Variants in UBAP2 observed in about 807,000 individuals in gnomAD.
The protein encoded by UBAP2 is ubiquitin associated protein 2, also known as ubiquitin-associated protein 2.
UBAP2 carries 75 observed loss-of-function variants against 139.6 expected under a neutral mutation model. The observed-to-expected ratio is 0.54, with a 90% confidence interval of 0.45 to 0.65. The LOEUF is 0.65. UBAP2 is among the 30% of genes least tolerant of loss of function. UBAP2 has a pLI of 0.00. For synonymous variants in UBAP2, 526 were observed against 526.2 expected (o/e 1.00, Z 0.01); for missense variants, 1,368 against 1,369.6 (o/e 1.00, Z 0.02).
rs777110723 is a variant in UBAP2 at position 33,926,627 on chromosome 9, C to T, written c.2501G>A (p.Arg834Gln). 24 of 1,614,046 alleles carry T rather than the reference C, an allele frequency of 1.5e-5. No homozygotes were observed. The highest frequency in any genetic ancestry group is 3.3e-4 in the Middle Eastern group (2 of 6,084). The stretch of plus-strand genomic sequence containing the variant: ...CCATACCCCACTCACCACTGGCAGC[C>T]GTGACTGCAGCATCTGGAGCTCGTC... ...GYDELQMLQS[R>Q]LPVDYYGIPF... The change falls in exon 22 of 29, where the codon CGG (arginine) becomes CAG (glutamine). Residue 834 changes from arginine (R) to glutamine (Q), a missense_variant. Arg to Gln is a conservative substitution (Grantham distance 43). Coordinates refer to ENST00000379238, the MANE Select transcript of UBAP2 (RefSeq NM_001370062.2).
At chr9:33,951,122 CCAGCCTCTCAAG>C (rs1190541058) in intron 12 of UBAP2, among the ~76,000 whole-genome samples, 4 of 151,972 alleles carry the variant, frequency 2.6e-5, no homozygotes, top group Non-Finnish European at 4.4e-5. Context: ...TCCTCCCATG[CCAGCCTCTCAAG>C]TAGCTGGGAT....
At position 33,995,567 on chromosome 9, in the gene UBAP2, A is replaced by G. The variant is rs1344133653; in HGVS notation, c.288+656T>C. On this transcript the variant is annotated intron_variant, in intron 4 of 28. Transcript: ENST00000379238. ...AATATATTATTAAATAATTTAATTT[A>G]ATTTAAAATTAAATTATTTAAAATT... 7.1e-5 allele frequency: 10 copies of G among 140,086 alleles called. No individual in the cohort carries two copies. The East Asian group carries it at 1.8e-3, about 25-fold the overall frequency. The allele number at this position is 140,086 out of a possible 1,614,324, so 8.7% of individuals were successfully genotyped here.
At chr9:34,012,883 G>A (rs1823883637) in intron 2 of UBAP2, among the ~76,000 whole-genome samples, 1 of 151,404 alleles carries the variant, frequency 6.6e-6, no homozygotes. Flanking sequence ...AGGCCCAGGG[G>A]CTCACACCTA....
intron 10 of UBAP2, among the ~76,000 whole-genome samples, chr9:33,959,152 CA>C (rs11374381): frequency 4.3e-4 from 60 of 138,636 alleles, no homozygotes; most frequent in Non-Finnish European, 4.4e-4. Flanking sequence ...GGCCCTGTCT[CA>C]AAAAAAAAAA....
chr9:33,937,897 A>G (rs1824728968), intron 16 of UBAP2, among the ~76,000 whole-genome samples: 2 of 152,160 alleles, frequency 1.3e-5, no homozygotes. Context: ...AGCCTGGGCA[A>G]CAACAGCAAA....
At chr9:34,040,803 C>G (rs1827002835) in intron 1 of UBAP2, among the ~76,000 whole-genome samples, 1 of 152,188 alleles carries the variant, frequency 6.6e-6, no homozygotes, top group Non-Finnish European at 1.5e-5. Context: ...TTTTTCCAGA[C>G]ACCTAGAATG....
chr9:33,999,900 ATG>A (rs1564055695), intron 2 of UBAP2, among the ~76,000 whole-genome samples: 79 of 63,326 alleles, frequency 1.2e-3, no homozygotes, highest in African/African-American at 3.1e-3. Flanking sequence ...GTATGTATGT[ATG>A]TATGTTATTT....
chr9:33,963,878 T>C (rs1359009142), intron 8 of UBAP2, 87 bp from the exon 9 acceptor site: 2 of 955,088 alleles, frequency 2.1e-6, no homozygotes, highest in South Asian at 2.7e-5. Flanking sequence ...GTCAAAGCTA[T>C]GTATATGCTG....
chr9:34,027,068 G>A (rs946739643), intron 1 of UBAP2, among the ~76,000 whole-genome samples: 7 of 152,074 alleles, frequency 4.6e-5, no homozygotes, highest in African/African-American at 2.4e-5. Flanking sequence ...TATTATTTTT[G>A]TTTAATTTCT....
rs1429701449 is a variant in UBAP2, at chr9:33,948,506, A to T, written c.1138T>A (p.Leu380Met). ...NITSSQILDQ[L>M]KAPSLGQFTT... ...AACTGGCCCAAACTCGGAGCTTTCA[A>T]CTGGTCCAAAATCTGGGAGCTGGTG... The change falls in exon 13 of 29, where the codon TTG becomes ATG. Residue 380 changes from leucine to methionine, a missense_variant. Leu to Met is a conservative substitution (Grantham distance 15, BLOSUM62 2). Transcript: ENST00000379238. 1 of 1,614,174 alleles carries T rather than the reference A, an allele frequency of 6.2e-7. No homozygotes were observed. The highest frequency in any genetic ancestry group is 8.5e-7 in the Non-Finnish European group (1 of 1,180,024).
rs137921582 is a variant in UBAP2 at position 33,985,173 on chromosome 9, G to A, written c.520+1587C>T. On this transcript the variant is annotated intron_variant, in intron 6 of 28. Transcript: ENST00000379238. Reference sequence around the variant, plus strand: ...ATGTTTGCCAGGTTGTGGTGGCTGTGGCAATTTCTATTTTTTTTTAATTTT... The same window carrying A: ...ATGTTTGCCAGGTTGTGGTGGCTGTAGCAATTTCTATTTTTTTTTAATTTT... Among the ~76,000 whole-genome samples, 595 of 152,080 alleles carry A rather than the reference G, an allele frequency of 3.9e-3. 1 individual carries two copies. The highest frequency in any genetic ancestry group is 0.014 in the African/African-American group (576 of 41,480).
Position 33,922,826 on chromosome 9 carries a change from G to A in UBAP2, c.3125C>T (p.Pro1042Leu). Residue 1042 changes from proline (P) to leucine (L), a missense_variant, in exon 28 of 29, where the codon CCC (proline) becomes CTC (leucine). Transcript: ENST00000379238. ...GGGCCCAGTGGAGCCCAAGACCGAGGGCAGGCTGAAAGGTGGAGGCGTCCC... is the reference window on the plus strand; with the variant it reads ...GGGCCCAGTGGAGCCCAAGACCGAGAGCAGGCTGAAAGGTGGAGGCGTCCC... Reference protein sequence around the residue: ...HAGTPPPFSLPSVLGSTGPLA... With the variant: ...HAGTPPPFSLLSVLGSTGPLA... The A allele has an allele frequency of 6.3e-7, 1 of 1,575,448 alleles. No individual in the cohort carries two copies. The highest frequency in any genetic ancestry group is 1.3e-5 in the African/African-American group (1 of 74,098).
chr9:33,981,006 T>A (rs1367170540), intron 6 of UBAP2, among the ~76,000 whole-genome samples: 2 of 141,436 alleles, frequency 1.4e-5, no homozygotes, highest in Non-Finnish European at 1.5e-5. Flanking sequence ...AATTTTATAT[T>A]GCTTTGGAAC....
chr9:33,977,098 G>A (rs1820198507), intron 6 of UBAP2, among the ~76,000 whole-genome samples: 1 of 145,832 alleles, frequency 6.9e-6, no homozygotes, highest in Non-Finnish European at 1.5e-5. Flanking sequence ...GAGTGCAGTG[G>A]CGCCACCTCG....
At chr9:33,991,870 A>G (rs1480635961) in intron 4 of UBAP2, among the ~76,000 whole-genome samples, 1 of 152,202 alleles carries the variant, frequency 6.6e-6, no homozygotes, top group East Asian at 1.9e-4. Flanking sequence ...ACATCTTTAC[A>G]CAGCCTCGCC....
chr9:33,939,997 G>A (rs915420552), intron 16 of UBAP2, among the ~76,000 whole-genome samples: 5 of 140,244 alleles, frequency 3.6e-5, no homozygotes, highest in African/African-American at 1.1e-4. Context: ...GGAGGGTGAG[G>A]AGGAGGGGAA....
intron 1 of UBAP2, among the ~76,000 whole-genome samples, chr9:34,027,241 G>T (rs1825476773): frequency 6.6e-6 from 1 of 151,966 alleles, no homozygotes; most frequent in Non-Finnish European, 1.5e-5. Context: ...GGCACTTTGG[G>T]AGGCTGAGGC....
At chr9:33,990,782 G>A (rs1168399390) in intron 4 of UBAP2, among the ~76,000 whole-genome samples, 5 of 151,884 alleles carry the variant, frequency 3.3e-5, no homozygotes, top group East Asian at 1.9e-4. Flanking sequence ...GGTTATAGGC[G>A]TACACCACCA....
intron 4 of UBAP2, among the ~76,000 whole-genome samples, chr9:33,990,432 T>G (rs1000221711): frequency 6.6e-6 from 1 of 152,182 alleles, no homozygotes; most frequent in African/African-American, 2.4e-5. Flanking sequence ...TCTGCAAAGC[T>G]GTGATGAACT....
Sources: allele counts gnomAD v4.1 joint callset (sites outside exome capture counted in the v4.1 genomes callset), GRCh38; gene constraint gnomAD v4.1.1; transcripts MANE v1.5; gene names NCBI Gene and HGNC (gene_info 2026-07-23, HGNC 2026-07-21).